The following CEP63 variants were observed in gnomAD, a reference collection of about 807,000 sequenced individuals.
The protein encoded by CEP63 is centrosomal protein of 63 kDa.
A neutral mutation model predicts 89.1 loss-of-function variants in CEP63; 84 were observed. The ratio of observed to expected loss-of-function variants is 0.94; its 90% CI spans 0.79 to 1.13. The LOEUF (loss-of-function observed/expected upper bound fraction) is 1.13, where lower values mean the gene tolerates loss of function less well. Ranked by LOEUF, CEP63 falls within the 50% of genes most tolerant of loss-of-function variation. The probability of loss-of-function intolerance (pLI) is 0.00; values close to 1 mark genes in which losing one functional copy is unlikely to be tolerated. For missense variants in CEP63, 838 were observed against 813.3 expected (o/e 1.03, Z -0.37); for synonymous variants, 267 against 272.5 (o/e 0.98, Z 0.20).
chr3:134,610,418 C>A, the CEP63 span: 1 of 1,580,888 alleles, frequency 6.3e-7, no homozygotes, highest in South Asian at 1.1e-5. Flanking sequence ...GAGGGGGATC[C>A]CGCTGTGGCT....
At chr3:134,680,762 G>A in the CEP63 span, among the ~76,000 whole-genome samples, 1 of 152,216 alleles carries the variant, frequency 6.6e-6, no homozygotes, top group East Asian at 1.9e-4. Flanking sequence ...GGCTCGAAAA[G>A]AAGAGAGCTC....
At chr3:134,708,192 A>G in the CEP63 span, among the ~76,000 whole-genome samples, 1 of 152,230 alleles carries the variant, frequency 6.6e-6, no homozygotes. Flanking sequence ...TGAGCATTCT[A>G]AGAACCCCCT....
chr3:134,724,380 G>C, the CEP63 span, among the ~76,000 whole-genome samples: 1 of 152,142 alleles, frequency 6.6e-6, no homozygotes, highest in South Asian at 2.1e-4. Context: ...AGGTTTAGTG[G>C]GATATATTTC....
At chr3:134,570,681 C>A (rs1446000787) in intron 11 of CEP63, among the ~76,000 whole-genome samples, 1 of 152,214 alleles carries the variant, frequency 6.6e-6, no homozygotes, top group East Asian at 1.9e-4. Flanking sequence ...CTGCCTGCTA[C>A]CCAGTTCCAA....
At chr3:134,718,571 A>C in the CEP63 span, among the ~76,000 whole-genome samples, 2 of 152,180 alleles carry the variant, frequency 1.3e-5, no homozygotes, top group Non-Finnish European at 2.9e-5. Context: ...GAAAACATCC[A>C]CATTCTCTTT....
At chr3:134,749,282 C>G in the CEP63 span, among the ~76,000 whole-genome samples, 1 of 152,160 alleles carries the variant, frequency 6.6e-6, no homozygotes, top group Non-Finnish European at 1.5e-5. Context: ...CTAACCAGTT[C>G]ACTGGGGATG....
At chr3:134,655,549 G>T in the CEP63 span, among the ~76,000 whole-genome samples, 3 of 152,120 alleles carry the variant, frequency 2.0e-5, no homozygotes, top group Admixed American at 6.5e-5. Flanking sequence ...ACCTACCCAA[G>T]GTCTCACATG....
chr3:134,604,432 G>C, the CEP63 span: 1 of 1,613,478 alleles, frequency 6.2e-7, no homozygotes, highest in Non-Finnish European at 8.5e-7. Flanking sequence ...CATGAACAGC[G>C]TCGGGGCGCA....
At chr3:134,606,397 A>G in the CEP63 span, among the ~76,000 whole-genome samples, 1 of 151,630 alleles carries the variant, frequency 6.6e-6, no homozygotes, top group Non-Finnish European at 1.5e-5. Flanking sequence ...CAAGGCCACA[A>G]CCCTTCATGC....
chr3:134,775,568 T>C, the CEP63 span, among the ~76,000 whole-genome samples: 2 of 152,150 alleles, frequency 1.3e-5, no homozygotes, highest in Non-Finnish European at 2.9e-5. Flanking sequence ...AGGATGGATA[T>C]ACCTTCCAGT....
the CEP63 span, among the ~76,000 whole-genome samples, chr3:134,703,761 T>A: frequency 1.3e-5 from 2 of 152,162 alleles, no homozygotes; most frequent in South Asian, 2.1e-4. Flanking sequence ...AATCCACACA[T>A]CCTGCACATG....
the CEP63 span, among the ~76,000 whole-genome samples, chr3:134,765,634 TG>T: frequency 3.3e-5 from 5 of 152,214 alleles, no homozygotes; most frequent in African/African-American, 1.2e-4. Context: ...GACTTTGTCA[TG>T]GTGTCATATG....
At chr3:134,568,058 A>G (rs557881921), downstream of CEP63, among the ~76,000 whole-genome samples, 7 of 152,340 alleles carry the variant, frequency 4.6e-5, no homozygotes, top group South Asian at 6.2e-4. Context: ...TTCTTTGGCT[A>G]TGAGAAACAG....
chr3:134,758,879 A>G, the CEP63 span, among the ~76,000 whole-genome samples: 1 of 152,194 alleles, frequency 6.6e-6, no homozygotes, highest in Non-Finnish European at 1.5e-5. Context: ...TCCCATGGTA[A>G]AAGGGACTCT....
chr3:134,755,923 T>C, the CEP63 span, among the ~76,000 whole-genome samples: 18 of 152,170 alleles, frequency 1.2e-4, no homozygotes, highest in African/African-American at 4.3e-4. Context: ...GGTTTCCACC[T>C]GGTTTGAAGA....
At chr3:134,713,273 ACT>A in the CEP63 span, among the ~76,000 whole-genome samples, 1 of 152,108 alleles carries the variant, frequency 6.6e-6, no homozygotes, top group South Asian at 2.1e-4. Context: ...GGACATCCTG[ACT>A]CTGCTAAGCC....
chr3:134,607,551 C>T, the CEP63 span: 5 of 985,524 alleles, frequency 5.1e-6, no homozygotes, highest in South Asian at 1.9e-4. Context: ...ACTGACCCGA[C>T]TTACAGGGCT....
At chr3:134,576,335 C>G (rs1958211298), downstream of CEP63, among the ~76,000 whole-genome samples, 1 of 152,222 alleles carries the variant, frequency 6.6e-6, no homozygotes, top group Admixed American at 6.5e-5. Context: ...ATTAATCAAG[C>G]AAACCCCTCA....
chr3:134,538,543 A>ATATATATATATATATATATATG, intron 6 of CEP63, among the ~76,000 whole-genome samples: 1 of 139,660 alleles, frequency 7.2e-6, no homozygotes, highest in Non-Finnish European at 1.6e-5. Context: ...GTATATATAT[A>ATATATATATATATATATATATG]TATATATATA....
Sources: gnomAD v4.1 joint callset for allele counts (sites outside exome capture counted in the v4.1 genomes callset) on GRCh38, gnomAD v4.1.1 for gene constraint, MANE v1.5 for transcripts, NCBI Gene and HGNC (gene_info 2026-07-23, HGNC 2026-07-21) for gene names.